Variants in BRD4 observed in about 807,000 individuals in gnomAD.
BRD4 encodes bromodomain-containing protein 4.
In BRD4, 16 loss-of-function variants were observed where a neutral mutation model predicts 142.1. The observed-to-expected ratio is 0.11, with a 90% CI of 0.08 to 0.17. The LOEUF is 0.17. Among genes scored for constraint, BRD4 ranks in the 10% least tolerant of loss-of-function variants. BRD4 has a pLI of 1.00. For missense variants in BRD4, 1,424 were observed against 1,810.9 expected, an observed-to-expected ratio of 0.79 and a Z score of 3.88; for synonymous variants, 833 against 707.5, an observed-to-expected ratio of 1.18 and a Z score of -2.82.
At chr19:15,313,111 C>G (rs779829000) in intron 1 of BRD4, among the ~76,000 whole-genome samples, 36 of 151,948 alleles carry the variant, frequency 2.4e-4, no homozygotes, top group Non-Finnish European at 4.6e-4. Context: ...GTGGCTCACG[C>G]CCGTAATCCC....
chr19:15,241,462 A>C (rs1284969414), intron 14 of BRD4, among the ~76,000 whole-genome samples: 1 of 152,208 alleles, frequency 6.6e-6, no homozygotes, highest in Non-Finnish European at 1.5e-5. Flanking sequence ...TTGGGAGTCT[A>C]ACAACTTGGC....
At chr19:15,325,103 G>A (rs2048095898) in intron 1 of BRD4, among the ~76,000 whole-genome samples, 1 of 152,170 alleles carries the variant, frequency 6.6e-6, no homozygotes, top group South Asian at 2.1e-4. Flanking sequence ...AAGGACGGCA[G>A]TAGCTAACCT....
intron 7 of BRD4, among the ~76,000 whole-genome samples, chr19:15,260,361 T>C (rs765246864): frequency 1.3e-4 from 20 of 152,178 alleles, no homozygotes; most frequent in Non-Finnish European, 2.2e-4. Flanking sequence ...GCTGGAAGCT[T>C]TGTCCCTCCC....
At chr19:15,253,541 T>C (rs1399604137) in intron 11 of BRD4, 15 of 1,545,364 alleles carry the variant, frequency 9.7e-6, no homozygotes, top group Non-Finnish European at 1.3e-5. Context: ...CAGGTGCGTG[T>C]GGAGTTAGGG....
chr19:15,288,696 C>T (rs940487417), intron 1 of BRD4, among the ~76,000 whole-genome samples: 2 of 152,218 alleles, frequency 1.3e-5, no homozygotes, highest in East Asian at 1.9e-4. Flanking sequence ...ACAGGGCCGC[C>T]GAAGGGAGGA....
intron 2 of BRD4, 76 bp downstream of exon 2, chr19:15,272,739 G>C (rs2145623855): frequency 7.0e-7 from 1 of 1,422,752 alleles, no homozygotes; most frequent in Non-Finnish European, 9.6e-7. Context: ...CCTCCCCCCA[G>C]GAACTGCCCT....
At chr19:15,279,900 A>G (rs1167043578) in intron 1 of BRD4, among the ~76,000 whole-genome samples, 1 of 152,206 alleles carries the variant, frequency 6.6e-6, no homozygotes, top group Non-Finnish European at 1.5e-5. Flanking sequence ...CCCCTCTCCT[A>G]AAGTGATGGA....
chr19:15,318,000 G>C (rs2145724519), intron 1 of BRD4, among the ~76,000 whole-genome samples: 1 of 152,356 alleles, frequency 6.6e-6, no homozygotes, highest in East Asian at 1.9e-4. Context: ...TTTTATAACT[G>C]AAAGTGCTTC....
chr19:15,254,346 G>T, intron 10 of BRD4, 84 bp from the exon 11 acceptor site: 1 of 1,192,386 alleles, frequency 8.4e-7, no homozygotes, highest in Non-Finnish European at 1.2e-6. Flanking sequence ...CCATCCATCT[G>T]GAGGAAGGAC....
intron 1 of BRD4, among the ~76,000 whole-genome samples, chr19:15,310,213 C>CTTTTTTTTTT (rs34519343): frequency 8.2e-6 from 1 of 122,408 alleles, no homozygotes; most frequent in Non-Finnish European, 1.6e-5. Context: ...TTAAACAGTC[C>CTTTTTTTTTT]TTTTTTTTTT....
chr19:15,269,560 G>A (rs1225001194), intron 2 of BRD4, among the ~76,000 whole-genome samples: 1 of 152,140 alleles, frequency 6.6e-6, no homozygotes, highest in Non-Finnish European at 1.5e-5. Flanking sequence ...GAGCTGCGGA[G>A]CATAAGTTTC....
chr19:15,288,205 C>T (rs928058885), intron 1 of BRD4, among the ~76,000 whole-genome samples: 2 of 152,160 alleles, frequency 1.3e-5, no homozygotes, highest in South Asian at 2.1e-4. Flanking sequence ...CGTACAAATA[C>T]ATGTTTCAGT....
chr19:15,278,953 G>A (rs1348025590), intron 1 of BRD4, among the ~76,000 whole-genome samples: 4 of 151,992 alleles, frequency 2.6e-5, no homozygotes, highest in African/African-American at 7.2e-5. Flanking sequence ...GCAATTCTCC[G>A]GCCTCAGCCT....
intron 7 of BRD4, among the ~76,000 whole-genome samples, chr19:15,262,524 TAAAAAAAAAA>T (rs559468375): frequency 1.0e-5 from 1 of 97,798 alleles, no homozygotes; most frequent in East Asian, 2.8e-4. Context: ...CCCATCTCTT[TAAAAAAAAAA>T]AAAAAAAAGA....
chr19:15,330,913 C>CA (rs1260426369), intron 1 of BRD4, among the ~76,000 whole-genome samples: 2 of 152,130 alleles, frequency 1.3e-5, no homozygotes, highest in African/African-American at 2.4e-5. Flanking sequence ...GCTCCATTCA[C>CA]AAAAAACTCC....
chr19:15,290,197 C>A (rs1418602014), intron 1 of BRD4, among the ~76,000 whole-genome samples: 1 of 152,110 alleles, frequency 6.6e-6, no homozygotes, highest in East Asian at 1.9e-4. Context: ...CCCATCGAGG[C>A]CTCCTCCTGC....
At position 15,249,440 on chromosome 19, in the gene BRD4, C is replaced by A. The variant is rs930496664; in HGVS notation, c.2159-4678G>T. 5 of 1,421,696 alleles carry A rather than the reference C, an allele frequency of 3.5e-6. No homozygotes were observed. The Admixed American group carries it at 7.9e-5, about 23-fold the overall frequency. The allele number at this position is 1,421,696 out of a possible 1,614,324, so 88.1% of individuals were successfully genotyped here. A position where few individuals can be genotyped will look rare whatever the true frequency, so the allele number is the denominator to read the frequency against. On this transcript the variant is annotated intron_variant, in intron 11 of 19. Transcript: ENST00000679869. The stretch of plus-strand genomic sequence containing the variant: ...AACGGCACTGGAGACTGGAGCCCTG[C>A]CCCGTGCCTGGCTAACCCTGGGTAG...
intron 1 of BRD4, among the ~76,000 whole-genome samples, chr19:15,288,915 G>T (rs960709216): frequency 6.6e-6 from 1 of 152,156 alleles, no homozygotes; most frequent in Admixed American, 6.5e-5. Context: ...CAGCCACCAG[G>T]TCCCCACTGT....
At chr19:15,257,341 G>A (rs1280340398) in intron 7 of BRD4, 168 bp from the exon 8 acceptor site, 28 of 635,362 alleles carry the variant, frequency 4.4e-5, no homozygotes, top group Non-Finnish European at 5.4e-6. Flanking sequence ...GGCCAGCCAA[G>A]GGCCTCTGAC....
Sources: gnomAD v4.1 joint callset for allele counts (sites outside exome capture counted in the v4.1 genomes callset) on GRCh38, gnomAD v4.1.1 for gene constraint, MANE v1.5 for transcripts, NCBI Gene and HGNC (gene_info 2026-07-23, HGNC 2026-07-21) for gene names.